NNT: variants seen among roughly 807,000 people sequenced by gnomAD.
NNT encodes nicotinamide nucleotide transhydrogenase.
A neutral mutation model predicts 104.8 loss-of-function variants in NNT; 50 were observed. The ratio of observed to expected loss-of-function variants is 0.48; its 90% CI spans 0.38 to 0.60. The LOEUF is 0.60. Among genes scored for constraint, NNT ranks in the 20% least tolerant of loss-of-function variants. The probability of loss-of-function intolerance (pLI) is 0.00; values close to 1 mark genes in which losing one functional copy is unlikely to be tolerated. For missense variants in NNT, 1,131 were observed against 1,330.7 expected (o/e 0.85, Z 2.33); for synonymous variants, 461 against 490.4 (o/e 0.94, Z 0.79).
intron 8 of NNT, 25 bp from the exon 9 acceptor site, chr5:43,644,586 T>C: frequency 6.3e-7 from 1 of 1,583,394 alleles, no homozygotes; most frequent in South Asian, 1.1e-5. Flanking sequence ...GATAGACCTT[T>C]TTGACTATAA....
rs145330993 is a variant in NNT at position 43,634,208 on chromosome 5, T to A, written c.964+5821T>A. On this transcript the variant is annotated intron_variant, in intron 7 of 21. Coordinates refer to ENST00000344920, the MANE Select transcript of NNT (RefSeq NM_182977.3). The stretch of plus-strand genomic sequence containing the variant: ...TTGGGTGGGAGGTGTTTTCCTCCAA[T>A]ATGCAAGTTCCTTACATATATGAAC... Among the ~76,000 whole-genome samples the A allele has an allele frequency of 1.8e-3, 280 of 152,316 alleles. 2 individuals carry two copies. Among genetic ancestry groups the A allele is most frequent in the African/African-American group, 6.5e-3 (270 of 41,570 alleles).
In NNT at chr5:43,651,785, C is replaced by A; in HGVS notation, c.1764C>A (p.Pro588=). The part of the protein sequence containing the change: ...TQRMLDMFKR[P]TDPPEYNYLY... The stretch of plus-strand genomic sequence containing the variant: ...GAATGCTGGACATGTTCAAGCGTCC[C>A]ACTGACCCCCCAGAATACAACTACC... Residue 588 remains proline, a synonymous_variant, in exon 13 of 22, where the codon CCC becomes CCA. Coordinates refer to ENST00000344920, the MANE Select transcript of NNT (RefSeq NM_182977.3). 6.2e-7 allele frequency: 1 copy of A among 1,614,090 alleles called. No individual in the cohort carries two copies. The highest frequency in any genetic ancestry group is 1.1e-5 in the South Asian group (1 of 91,074).
At chr5:43,641,214 C>T (rs1253110381) in intron 7 of NNT, among the ~76,000 whole-genome samples, 2 of 152,096 alleles carry the variant, frequency 1.3e-5, no homozygotes, top group South Asian at 2.1e-4. Context: ...CAGTCTTTCT[C>T]TCTCTGGACT....
chr5:43,621,027 C>T (rs1348864725), intron 5 of NNT, among the ~76,000 whole-genome samples: 1 of 152,216 alleles, frequency 6.6e-6, no homozygotes, highest in African/African-American at 2.4e-5. Flanking sequence ...ACTTTGGTTA[C>T]ATGACAGAAA....
At chr5:43,663,385 G>A (rs1370000904) in intron 17 of NNT, among the ~76,000 whole-genome samples, 3 of 152,136 alleles carry the variant, frequency 2.0e-5, no homozygotes, top group African/African-American at 7.2e-5. Flanking sequence ...TGTGCAATGT[G>A]TTTGTCTTAC....
At chr5:43,699,041 C>G (rs1742711692) in intron 19 of NNT, among the ~76,000 whole-genome samples, 1 of 151,910 alleles carries the variant, frequency 6.6e-6, no homozygotes, top group Non-Finnish European at 1.5e-5. Context: ...CATTCATTCA[C>G]TTCTTATGGA....
In NNT at chr5:43,677,795, C is replaced by G. The variant is rs149530103; in HGVS notation, c.2865C>G (p.Gly955=). The G allele has an allele frequency of 4.4e-4, 706 of 1,613,284 alleles. 2 individuals carry two copies. In the Middle Eastern group the frequency reaches 0.011, roughly 26 times the overall value. ...TGGTAAAGATGCTCACTGAGCAAGG[C>G]AAAAAAGTCAGGTAAGCGTTTGCAG... is the stretch of plus-strand genomic sequence containing the variant. ...ADLVKMLTEQ[G]KKVRFGIHPV... Residue 955 remains glycine (G), a synonymous_variant, in exon 19 of 22, where the codon GGC becomes GGG. Transcript: ENST00000344920.
Position 43,675,641 on chromosome 5 carries a change from G to A in NNT, c.2765G>A (p.Arg922Gln), listed in dbSNP as rs1217124999. Reference protein sequence around the residue: ...INLDNAIDMIREANSIIITPG... With the variant: ...INLDNAIDMIQEANSIIITPG... The stretch of plus-strand genomic sequence containing the variant: ...CTTGACAATGCAATTGACATGATTC[G>A]AGAAGCTAATAGCATTATTATTACA... Residue 922 changes from arginine to glutamine, a missense_variant, in exon 18 of 22, where the codon CGA (arginine) becomes CAA (glutamine). Physicochemically the swap from Arg to Gln is conservative, Grantham distance 43 (BLOSUM62 1). Transcript: ENST00000344920. 14 of 1,608,446 alleles carry A rather than the reference G, an allele frequency of 8.7e-6. No individual in the cohort carries two copies. Among genetic ancestry groups the A allele is most frequent in the East Asian group, 6.7e-5 (3 of 44,520 alleles).
In NNT at chr5:43,628,171, T is replaced by C. The variant is rs1451180071; in HGVS notation, c.777-29T>C. The C allele has an allele frequency of 2.0e-6, 3 of 1,491,674 alleles. No individual in the cohort carries two copies. The African/African-American group carries it at 4.3e-5, about 21-fold the overall frequency. 92.4% of individuals were successfully genotyped at this position (1,491,674 alleles called of 1,614,324 possible). A position where few individuals can be genotyped will look rare whatever the true frequency, so the allele number is the denominator to read the frequency against. On this transcript the variant is annotated intron_variant, in intron 6 of 21. Transcript: ENST00000344920. ...CTTCTTTATTAGGGCCTGAAATAAC[T>C]ACTCTTTCCACTTTAACAATCACCC...
chr5:43,642,086 A>T (rs1751268579), intron 7 of NNT, among the ~76,000 whole-genome samples: 1 of 152,226 alleles, frequency 6.6e-6, no homozygotes, highest in South Asian at 2.1e-4. Context: ...CTAGGGCAGG[A>T]GAAATTAGTT....
At chr5:43,626,329 C>A (rs1750361234) in intron 6 of NNT, among the ~76,000 whole-genome samples, 1 of 152,092 alleles carries the variant, frequency 6.6e-6, no homozygotes, top group Non-Finnish European at 1.5e-5. Context: ...AGGCTACGTG[C>A]AAATACTACA....
chr5:43,660,771 T>A lies in NNT; in HGVS notation c.2634+1421T>A, dbSNP rs999350075. Among the ~76,000 whole-genome samples, 5 of 152,124 alleles carry A rather than the reference T, an allele frequency of 3.3e-5. 1 individual carries two copies. Among genetic ancestry groups the A allele is most frequent in the African/African-American group, 1.2e-4 (5 of 41,428 alleles). On this transcript the variant is annotated intron_variant, in intron 17 of 21. Coordinates refer to ENST00000344920, the MANE Select transcript of NNT (RefSeq NM_182977.3). ...CCACACACTTTTAAAGCACCAGATC[T>A]CGTGAGAACTCACTAGCATAAGAAC...
chr5:43,680,786 T>C (rs1322494757), intron 19 of NNT, among the ~76,000 whole-genome samples: 7 of 152,154 alleles, frequency 4.6e-5, no homozygotes, highest in Non-Finnish European at 1.0e-4. Flanking sequence ...GTGGCCAAGA[T>C]ATCATTTGCT....
intron 2 of NNT, among the ~76,000 whole-genome samples, chr5:43,611,094 G>GCCTC (rs1256999270): frequency 1.4e-3 from 94 of 68,130 alleles, no homozygotes; most frequent in African/African-American, 4.4e-3. Flanking sequence ...CTCCCTCCCT[G>GCCTC]CCTCCCTCCC....
chr5:43,682,618 G>A (rs1024733794), intron 19 of NNT, among the ~76,000 whole-genome samples: 1 of 152,114 alleles, frequency 6.6e-6, no homozygotes, highest in East Asian at 1.9e-4. Flanking sequence ...TTGCAAATTG[G>A]TAAAGCAATA....
chr5:43,680,002 TGTA>T (rs779956230), intron 19 of NNT, among the ~76,000 whole-genome samples: 18 of 151,994 alleles, frequency 1.2e-4, no homozygotes, highest in South Asian at 4.1e-4. Flanking sequence ...ATTAATATAT[TGTA>T]GTTTTTTTTT....
intron 17 of NNT, among the ~76,000 whole-genome samples, chr5:43,661,033 T>A (rs1054226241): frequency 6.6e-6 from 1 of 152,228 alleles, no homozygotes; most frequent in Non-Finnish European, 1.5e-5. Flanking sequence ...GGCTGAAGTA[T>A]CTTTTCATAG....
intron 18 of NNT, among the ~76,000 whole-genome samples, chr5:43,676,251 T>A (rs544762298): frequency 6.6e-6 from 1 of 152,238 alleles, no homozygotes; most frequent in Non-Finnish European, 1.5e-5. Flanking sequence ...TTCTGAGTTT[T>A]AGCTCAGTTC....
chr5:43,658,007 C>T (rs765252834), intron 16 of NNT, among the ~76,000 whole-genome samples: 13 of 151,916 alleles, frequency 8.6e-5, no homozygotes, highest in African/African-American at 2.2e-4. Context: ...TGGTAGTCTG[C>T]GCCTGTATTC....
Sources: allele counts gnomAD v4.1 joint callset (sites outside exome capture counted in the v4.1 genomes callset), GRCh38; gene constraint gnomAD v4.1.1; transcripts MANE v1.5; gene names NCBI Gene and HGNC (gene_info 2026-07-23, HGNC 2026-07-21).